Variants in SAMD4A observed in about 807,000 individuals in gnomAD.
SAMD4A encodes protein Smaug homolog 1.
In SAMD4A, 33 loss-of-function variants were observed where a neutral mutation model predicts 81.3. That is an observed-to-expected ratio of 0.41 (90% CI 0.31 to 0.54). The LOEUF (loss-of-function observed/expected upper bound fraction) is 0.54. Ranked by LOEUF, SAMD4A falls within the 20% of genes least tolerant of loss-of-function variation. SAMD4A has a pLI of 0.37. For synonymous variants in SAMD4A, 389 were observed against 382.1 expected (o/e 1.02, Z -0.21); for missense variants, 854 against 951.1 (o/e 0.90, Z 1.34).
chr14:54,576,001 C>CTTTTTT lies in SAMD4A; in HGVS notation c.196+7921_196+7926dup, dbSNP rs57819180. 8.8e-4 allele frequency among the ~76,000 whole-genome samples: 70 copies of CTTTTTT among 79,994 alleles called. 6 individuals carry two copies. The highest frequency in any genetic ancestry group is 3.0e-3 in the East Asian group (6 of 1,988). 52.5% of individuals were successfully genotyped at this position (79,994 alleles called of 152,430 possible). ...CCAGGAAAGATTTCTTTCTTTCTTT[C>CTTTTTT]TTTTTTTTTTTTTTTTTTTTTTTTT... On this transcript the variant is annotated intron_variant, in intron 2 of 12. Transcript: ENST00000554335.
chr14:54,690,133 C>T (rs1375937092), intron 2 of SAMD4A: 1 of 152,088 alleles, frequency 6.6e-6, no homozygotes, highest in African/African-American at 2.4e-5. Context: ...ATGGACTGTC[C>T]CCACCCACAA....
chr14:54,646,460 C>G lies in SAMD4A; in HGVS notation c.197-55602C>G, dbSNP rs546185058. ...TTTGTGATGCAGTAGATTGGGAGACCCAAGCATTTGCAAGTTCCCACGTGA... is the reference window on the plus strand; with the variant it reads ...TTTGTGATGCAGTAGATTGGGAGACGCAAGCATTTGCAAGTTCCCACGTGA... On this transcript the variant is annotated intron_variant, in intron 2 of 12. Transcript: ENST00000554335. 1.8e-4 allele frequency among the ~76,000 whole-genome samples: 27 copies of G among 152,302 alleles called. No individual in the cohort carries two copies. The South Asian group carries it at 5.6e-3, about 32-fold the overall frequency.
intron 2 of SAMD4A, among the ~76,000 whole-genome samples, chr14:54,667,772 G>T (rs912183408): frequency 2.0e-5 from 3 of 152,096 alleles, no homozygotes; most frequent in African/African-American, 7.3e-5. Flanking sequence ...TATTTTCTGG[G>T]TCCTGCTTAC....
chr14:54,627,504 G>A (rs931044929), intron 2 of SAMD4A, among the ~76,000 whole-genome samples: 1 of 152,206 alleles, frequency 6.6e-6, no homozygotes, highest in Non-Finnish European at 1.5e-5. Context: ...GTTTGACTCT[G>A]ATTTGCCTTT....
At chr14:54,645,487 A>T (rs1379389130) in intron 2 of SAMD4A, among the ~76,000 whole-genome samples, 1 of 152,238 alleles carries the variant, frequency 6.6e-6, no homozygotes, top group Admixed American at 6.5e-5. Context: ...AATTACAAAA[A>T]TATGTGACTC....
chr14:54,665,929 C>G (rs998800161), intron 2 of SAMD4A, among the ~76,000 whole-genome samples: 2 of 152,132 alleles, frequency 1.3e-5, no homozygotes, highest in African/African-American at 4.8e-5. Context: ...ATTTTCTGTT[C>G]TGATAATAAA....
intron 2 of SAMD4A, among the ~76,000 whole-genome samples, chr14:54,672,582 A>G (rs747763556): frequency 2.6e-5 from 4 of 152,152 alleles, no homozygotes; most frequent in Non-Finnish European, 2.9e-5. Flanking sequence ...ACTAGGTTTG[A>G]TCTGCTTTTA....
Position 54,715,211 on chromosome 14 carries a change from T to A in SAMD4A, c.715+12631T>A, listed in dbSNP as rs902669308. ...AGAGTATTTGAAAGAAAAAAAAAAT[T>A]GCCATAGTGAATTCACTTCCAACTC... is the stretch of plus-strand genomic sequence containing the variant. On this transcript the variant is annotated intron_variant, in intron 3 of 12. Transcript: ENST00000554335. Among the ~76,000 whole-genome samples, 3 of 152,124 alleles carry A rather than the reference T, an allele frequency of 2.0e-5. No individual in the cohort carries two copies. The South Asian group carries it at 6.2e-4, about 32-fold the overall frequency.
At chr14:54,644,163 AC>A (rs150832467) in intron 2 of SAMD4A, among the ~76,000 whole-genome samples, 2,296 of 152,282 alleles carry the variant, frequency 0.015, 43 homozygotes, top group African/African-American at 0.052. Context: ...GCATTTTCAC[AC>A]ACATTTCTTG....
At chr14:54,631,063 A>G (rs1032739740) in intron 2 of SAMD4A, among the ~76,000 whole-genome samples, 2 of 151,836 alleles carry the variant, frequency 1.3e-5, no homozygotes, top group African/African-American at 2.4e-5. Context: ...CCAAGGGCTG[A>G]TGGGCTCAAA....
intron 2 of SAMD4A, among the ~76,000 whole-genome samples, chr14:54,678,580 G>A (rs2140555822): frequency 6.9e-6 from 1 of 144,818 alleles, no homozygotes; most frequent in South Asian, 2.2e-4. Flanking sequence ...ACGGAGTCTC[G>A]CTCTTTCGCC....
At chr14:54,751,774 C>T (rs2038107958) in intron 6 of SAMD4A, among the ~76,000 whole-genome samples, 1 of 152,200 alleles carries the variant, frequency 6.6e-6, no homozygotes, top group Non-Finnish European at 1.5e-5. Context: ...CCTGGCCGTC[C>T]TAGAGCCCTG....
At chr14:54,668,914 A>G (rs988268953) in intron 2 of SAMD4A, 2 of 152,248 alleles carry the variant, frequency 1.3e-5, no homozygotes, top group African/African-American at 4.8e-5. Flanking sequence ...TCTCTCCACC[A>G]TATCACTCTG....
intron 2 of SAMD4A, among the ~76,000 whole-genome samples, chr14:54,602,395 G>A (rs932866104): frequency 6.7e-6 from 1 of 150,108 alleles, no homozygotes; most frequent in African/African-American, 2.5e-5. Flanking sequence ...GGATAGCACA[G>A]ACAGTGGCTT....
intron 2 of SAMD4A, among the ~76,000 whole-genome samples, chr14:54,700,837 A>C (rs1463806073): frequency 6.6e-6 from 1 of 152,140 alleles, no homozygotes; most frequent in Non-Finnish European, 1.5e-5. Flanking sequence ...ACTTGAGGAC[A>C]TTATGCTCAG....
intron 2 of SAMD4A, among the ~76,000 whole-genome samples, chr14:54,601,803 G>A (rs1344865471): frequency 6.6e-6 from 1 of 152,178 alleles, no homozygotes; most frequent in African/African-American, 2.4e-5. Flanking sequence ...TGATGACTTG[G>A]AGAGAATACT....
chr14:54,786,619 C>T (rs1594945814), intron 12 of SAMD4A, among the ~76,000 whole-genome samples: 1 of 152,290 alleles, frequency 6.6e-6, no homozygotes, highest in Admixed American at 6.5e-5. Context: ...CTGACTCAGT[C>T]TTTCACTGCT....
At chr14:54,588,143 TCTC>T (rs1314569456) in intron 2 of SAMD4A, among the ~76,000 whole-genome samples, 3 of 152,180 alleles carry the variant, frequency 2.0e-5, no homozygotes, top group African/African-American at 7.2e-5. Flanking sequence ...AATTTATCTG[TCTC>T]CTCTAGGTTT....
rs1243341276 is a variant in SAMD4A, at chr14:54,791,682, G to T, written c.*2738G>T. On this transcript the variant is annotated 3_prime_UTR_variant, in exon 13 of 13. Transcript: ENST00000554335. ...AATTTTTTTTTTAAGTTGAGTGTTT[G>T]ATAAATTTTAAGACCCTGTCCCCAC... is the stretch of plus-strand genomic sequence containing the variant. 6.6e-6 allele frequency: 1 copy of T among 151,910 alleles called. No individual in the cohort carries two copies. Among genetic ancestry groups the T allele is most frequent in the East Asian group, 1.9e-4 (1 of 5,188 alleles). 9.4% of individuals were successfully genotyped at this position (151,910 alleles called of 1,614,324 possible).
Sources: allele counts gnomAD v4.1 joint callset (sites outside exome capture counted in the v4.1 genomes callset), GRCh38; gene constraint gnomAD v4.1.1; transcripts MANE v1.5; gene names NCBI Gene and HGNC (gene_info 2026-07-23, HGNC 2026-07-21).